Variants in BCAT1 observed in about 807,000 individuals in gnomAD.
The protein encoded by BCAT1 is branched-chain-amino-acid aminotransferase, cytosolic.
A neutral mutation model predicts 52.4 loss-of-function variants in BCAT1; 48 were observed. The ratio of observed to expected loss-of-function variants is 0.92; its 90% CI spans 0.73 to 1.16. The LOEUF (loss-of-function observed/expected upper bound fraction) is 1.16. Ranked by LOEUF, BCAT1 falls within the 50% of genes most tolerant of loss-of-function variation. The pLI, the probability that BCAT1 is intolerant of heterozygous loss-of-function variation, is 0.00. For missense variants in BCAT1, 451 were observed against 457.1 expected (o/e 0.99, Z 0.12); for synonymous variants, 167 against 161.3 (o/e 1.04, Z -0.27).
intron 1 of BCAT1, among the ~76,000 whole-genome samples, chr12:24,908,819 G>C (rs1943267555): frequency 6.6e-6 from 1 of 152,190 alleles, no homozygotes; most frequent in African/African-American, 2.4e-5. Context: ...GCACCGGTTT[G>C]GGCATTGAAG....
At chr12:24,945,003 T>C (rs560171236) in intron 1 of BCAT1, among the ~76,000 whole-genome samples, 18 of 152,196 alleles carry the variant, frequency 1.2e-4, no homozygotes, top group Non-Finnish European at 2.2e-4. Context: ...GGTATAACAG[T>C]AGAAAAACGT....
intron 1 of BCAT1, among the ~76,000 whole-genome samples, chr12:24,948,673 C>T (rs1042007208): frequency 1.3e-5 from 2 of 152,210 alleles, no homozygotes; most frequent in Non-Finnish European, 2.9e-5. Flanking sequence ...ACTTTCACCT[C>T]CGTTCCCAAA....
In BCAT1 at chr12:24,832,852, C is replaced by T. The variant is rs189400113; in HGVS notation, c.915G>A (p.Lys305=). 3.4e-4 allele frequency: 545 copies of T among 1,609,600 alleles called. 1 individual carries two copies. In the African/African-American group the frequency reaches 6.6e-3, roughly 20 times the overall value. ...CCATGGTGAGGTATCTCTCTGACAC[C>T]TTAAATTCACCCTGCATGGAATATA... is the stretch of plus-strand genomic sequence containing the variant. ...LDLAHQWGEF[K]VSERYLTMDD... The change falls in exon 9 of 11, where the codon AAG becomes AAA. Residue 305 remains lysine (K), a synonymous_variant. Transcript: ENST00000261192.
At chr12:24,830,131 A>G in intron 9 of BCAT1, 1 of 373,936 alleles carries the variant, frequency 2.7e-6, no homozygotes. Context: ...AATTAATTTT[A>G]GGGCATAACT....
At chr12:24,844,951 ACCT>A (rs1341393880) in intron 6 of BCAT1, among the ~76,000 whole-genome samples, 1 of 147,480 alleles carries the variant, frequency 6.8e-6, no homozygotes, top group Admixed American at 6.8e-5. Flanking sequence ...AGTGGCTCAT[ACCT>A]GTAATCTCAG....
intron 10 of BCAT1, among the ~76,000 whole-genome samples, chr12:24,823,494 T>C (rs909703913): frequency 1.2e-4 from 19 of 152,310 alleles, no homozygotes; most frequent in African/African-American, 4.1e-4. Flanking sequence ...TTTACTTTAG[T>C]CACTAACATT....
At chr12:24,835,958 T>C (rs2139403006) in intron 8 of BCAT1, among the ~76,000 whole-genome samples, 1 of 152,322 alleles carries the variant, frequency 6.6e-6, no homozygotes, top group Non-Finnish European at 1.5e-5. Flanking sequence ...CAACTTTACA[T>C]TTGCTTGCAT....
At position 24,836,548 on chromosome 12, in the gene BCAT1, A is replaced by C; in HGVS notation, c.866T>G (p.Val289Gly). 6.2e-7 allele frequency: 1 copy of C among 1,612,932 alleles called. No homozygotes were observed. Among genetic ancestry groups the C allele is most frequent in the Non-Finnish European group, 8.5e-7 (1 of 1,179,598 alleles). ...PPLDGIILPGVTRRCILDLAH... is the reference protein window; with the variant it reads ...PPLDGIILPGGTRRCILDLAH... ...CAGGTCCAGAATGCACCGCCTTGTCACTCCTGGAAGAATGATGCCATCTAG... is the reference window on the plus strand; with the variant it reads ...CAGGTCCAGAATGCACCGCCTTGTCCCTCCTGGAAGAATGATGCCATCTAG... Residue 289 changes from valine (V) to glycine (G), a missense_variant, in exon 8 of 11, where the codon GTG (valine) becomes GGG (glycine). Transcript: ENST00000261192.
At chr12:24,875,166 C>T (rs992484136) in intron 5 of BCAT1, among the ~76,000 whole-genome samples, 3 of 152,264 alleles carry the variant, frequency 2.0e-5, no homozygotes, top group South Asian at 2.1e-4. Flanking sequence ...AAGCTACTGG[C>T]ACCAGTCTTC....
At chr12:24,917,441 C>G (rs1464354327) in intron 1 of BCAT1, among the ~76,000 whole-genome samples, 2 of 152,166 alleles carry the variant, frequency 1.3e-5, no homozygotes, top group Non-Finnish European at 2.9e-5. Flanking sequence ...CTTGGCCTCC[C>G]AAAGTGCTGG....
intron 5 of BCAT1, among the ~76,000 whole-genome samples, chr12:24,868,986 A>C (rs1942104291): frequency 6.6e-6 from 1 of 152,248 alleles, no homozygotes; most frequent in South Asian, 2.1e-4. Flanking sequence ...GATGCAAAAA[A>C]TTAAAAAGAC....
chr12:24,852,148 C>T (rs1941533656), intron 5 of BCAT1, among the ~76,000 whole-genome samples: 1 of 152,158 alleles, frequency 6.6e-6, no homozygotes. Context: ...TTCCCTTTCA[C>T]CTTCTTCCAC....
At chr12:24,903,536 G>T (rs1329722447) in intron 1 of BCAT1, 8 of 152,338 alleles carry the variant, frequency 5.3e-5, no homozygotes, top group African/African-American at 1.7e-4. Context: ...TGAAGGGGGA[G>T]AACGTGAATC....
In BCAT1 at chr12:24,902,918, C is replaced by A. The variant is rs939151414; in HGVS notation, c.7-1033G>T. The A allele has an allele frequency of 2.4e-5, 36 of 1,511,756 alleles. No homozygotes were observed. In the African/African-American group the frequency reaches 2.4e-4, roughly 10 times the overall value. The allele number at this position is 1,511,756 out of a possible 1,614,324, so 93.6% of individuals were successfully genotyped here. A position where few individuals can be genotyped will look rare whatever the true frequency, so the allele number is the denominator to read the frequency against. On this transcript the variant is annotated intron_variant, in intron 1 of 10. Coordinates refer to ENST00000261192, the MANE Select transcript of BCAT1 (RefSeq NM_005504.7). Reference sequence around the variant, plus strand: ...CGAGACCCGGGTTCCAATCCTCCCCCCTTCCGCAAACGCCCGGGTTCGAGG... The same window carrying A: ...CGAGACCCGGGTTCCAATCCTCCCCACTTCCGCAAACGCCCGGGTTCGAGG...
intron 2 of BCAT1, among the ~76,000 whole-genome samples, chr12:24,901,489 T>C (rs1288472880): frequency 6.6e-6 from 1 of 152,230 alleles, no homozygotes; most frequent in Non-Finnish European, 1.5e-5. Flanking sequence ...AGTTTAACTT[T>C]TTCTACAAGT....
chr12:24,917,502 T>C (rs1490661130), intron 1 of BCAT1, among the ~76,000 whole-genome samples: 1 of 152,230 alleles, frequency 6.6e-6, no homozygotes, highest in African/African-American at 2.4e-5. Context: ...TGTTTTTACC[T>C]AGTCCAAAGG....
At chr12:24,913,706 T>C (rs1235437765) in intron 1 of BCAT1, among the ~76,000 whole-genome samples, 1 of 152,194 alleles carries the variant, frequency 6.6e-6, no homozygotes, top group Non-Finnish European at 1.5e-5. Context: ...TATGGTCTAA[T>C]GCTAATAGAC....
chr12:24,852,944 T>C (rs1941558155), intron 5 of BCAT1, among the ~76,000 whole-genome samples: 1 of 152,212 alleles, frequency 6.6e-6, no homozygotes, highest in Non-Finnish European at 1.5e-5. Context: ...ATGGTCACAG[T>C]GCTTTAAGAC....
At chr12:24,857,934 T>C (rs74834276) in intron 5 of BCAT1, among the ~76,000 whole-genome samples, 1,530 of 152,336 alleles carry the variant, frequency 0.01, 27 homozygotes, top group African/African-American at 0.034. Flanking sequence ...CAGAGAAGCA[T>C]GCTCTTGGCC....
Sources: allele counts gnomAD v4.1 joint callset (sites outside exome capture counted in the v4.1 genomes callset), GRCh38; gene constraint gnomAD v4.1.1; transcripts MANE v1.5; gene names NCBI Gene and HGNC (gene_info 2026-07-23, HGNC 2026-07-21).